Variants in PLEKHD1 observed in about 807,000 individuals in gnomAD.
The protein encoded by PLEKHD1 is pleckstrin homology and coiled-coil domain containing D1, also known as pleckstrin homology domain-containing family D member 1.
In PLEKHD1, 51 loss-of-function variants were observed where a neutral mutation model predicts 69.2. The observed-to-expected ratio is 0.74, with a 90% CI of 0.59 to 0.93. PLEKHD1 has a LOEUF of 0.93. PLEKHD1 is among the 40% of genes least tolerant of loss of function. The pLI is 0.00. For missense variants in PLEKHD1, 584 were observed against 641.0 expected (o/e 0.91, Z 0.96); for synonymous variants, 236 against 244.7 (o/e 0.96, Z 0.33).
At position 69,528,716 on chromosome 14, in the gene PLEKHD1, G is replaced by A. The variant is rs1883721959; in HGVS notation, c.*297G>A. ...GACCTGGTTGTATGTGGAGATTTGT[G>A]TCGGTTAGGGAGTGGGGTGGGGAGG... is the stretch of plus-strand genomic sequence containing the variant. On this transcript the variant is annotated 3_prime_UTR_variant, in exon 13 of 13. Coordinates refer to ENST00000322564, the MANE Select transcript of PLEKHD1 (RefSeq NM_001161498.2). 9.9e-6 allele frequency: 4 copies of A among 405,554 alleles called. No individual in the cohort carries two copies. The highest frequency in any genetic ancestry group is 6.9e-5 in the South Asian group (2 of 29,134). The allele number at this position is 405,554 out of a possible 1,614,324, so 25.1% of individuals were successfully genotyped here.
chr14:69,498,125 C>T (rs867148496), intron 1 of PLEKHD1, among the ~76,000 whole-genome samples: 12 of 133,974 alleles, frequency 9.0e-5, no homozygotes, highest in Middle Eastern at 4.2e-3. Context: ...TGCTCTGTCA[C>T]TCAGGTTGGA....
Position 69,526,782 on chromosome 14 carries a change from C to T in PLEKHD1, c.1009C>T (p.Leu337=). 6.5e-7 allele frequency: 1 copy of T among 1,550,326 alleles called. No individual in the cohort carries two copies. The highest frequency in any genetic ancestry group is 8.7e-7 in the Non-Finnish European group (1 of 1,146,430). The change falls in exon 10 of 13, where the codon CTG becomes TTG. Residue 337 remains leucine (L), a synonymous_variant. Transcript: ENST00000322564. ...SSQSQALQNS[L]QELTAEKQQA... is the part of the protein sequence containing the mutation. ...CCAGTCCCAGGCACTGCAGAACTCGCTGCAGGAGCTGACGGCAGAGAAGCA... is the reference window on the plus strand; with the variant it reads ...CCAGTCCCAGGCACTGCAGAACTCGTTGCAGGAGCTGACGGCAGAGAAGCA...
intron 1 of PLEKHD1, among the ~76,000 whole-genome samples, chr14:69,488,901 A>AT (rs1305691686): frequency 1.3e-5 from 2 of 152,122 alleles, no homozygotes; most frequent in Non-Finnish European, 2.9e-5. Flanking sequence ...TCCTCTACCC[A>AT]TCACCCTCTT....
At chr14:69,525,839 C>A in intron 8 of PLEKHD1, 105 bp from the exon 9 acceptor site, 1 of 1,095,512 alleles carries the variant, frequency 9.1e-7, no homozygotes, top group Non-Finnish European at 1.3e-6. Context: ...CCATAGAGGA[C>A]TGAGAGAGGA....
upstream of PLEKHD1, among the ~76,000 whole-genome samples, chr14:69,480,144 A>T (rs1882516961): frequency 6.6e-6 from 1 of 152,244 alleles, no homozygotes; most frequent in Admixed American, 6.5e-5. Flanking sequence ...GGGAAGACAG[A>T]GGAGGGTATG....
At chr14:69,477,296 C>A in the PLEKHD1 span, among the ~76,000 whole-genome samples, 2 of 152,170 alleles carry the variant, frequency 1.3e-5, no homozygotes, top group Admixed American at 6.5e-5. Context: ...GAAAGACCCA[C>A]CCCCATGATT....
At chr14:69,511,652 G>A (rs1883274527) in intron 6 of PLEKHD1, among the ~76,000 whole-genome samples, 1 of 151,736 alleles carries the variant, frequency 6.6e-6, no homozygotes, top group Non-Finnish European at 1.5e-5. Context: ...CAGGTTCAAG[G>A]GATCCTCGTG....
At chr14:69,499,893 G>C (rs1233503181) in intron 1 of PLEKHD1, among the ~76,000 whole-genome samples, 1 of 152,082 alleles carries the variant, frequency 6.6e-6, no homozygotes, top group Non-Finnish European at 1.5e-5. Flanking sequence ...TGGGGCTCCC[G>C]CTCCAGCTGG....
rs1555337189 is a variant in PLEKHD1, at chr14:69,498,057, A to ATTTTATTTATTTTATTTTAT, written c.150-2055_150-2054insTATTTATTTTATTTTATTTT. Among the ~76,000 whole-genome samples, 818 of 124,632 alleles carry ATTTTATTTATTTTATTTTAT rather than the reference A, an allele frequency of 6.6e-3. 20 individuals carry two copies. The highest frequency in any genetic ancestry group is 0.012 in the Middle Eastern group (3 of 244). 81.8% of individuals were successfully genotyped at this position (124,632 alleles called of 152,430 possible). On this transcript the variant is annotated intron_variant, in intron 1 of 12. Coordinates refer to ENST00000322564, the MANE Select transcript of PLEKHD1 (RefSeq NM_001161498.2). ...GTTTTATTTTATTTTATTTTATTTT[A>ATTTTATTTATTTTATTTTAT]TTTATTTTATTTTATTTTATTTTAT...
In PLEKHD1 at chr14:69,484,875, C is replaced by A; in HGVS notation, c.-91C>A. Reference sequence around the variant, plus strand: ...CTGCTTCTCTGCTCGCTGGGACGCTCTCCGACGGCTCCGCCCTCGCCTCTC... The same window carrying A: ...CTGCTTCTCTGCTCGCTGGGACGCTATCCGACGGCTCCGCCCTCGCCTCTC... On this transcript the variant is annotated 5_prime_UTR_variant, in exon 1 of 13. Coordinates refer to ENST00000322564, the MANE Select transcript of PLEKHD1 (RefSeq NM_001161498.2). 1 of 1,443,194 alleles carries A rather than the reference C, an allele frequency of 6.9e-7. No homozygotes were observed. The highest frequency in any genetic ancestry group is 1.3e-5 in the South Asian group (1 of 74,684). The allele number at this position is 1,443,194 out of a possible 1,614,324, so 89.4% of individuals were successfully genotyped here. A position where few individuals can be genotyped will look rare whatever the true frequency, so the allele number is the denominator to read the frequency against.
chr14:69,494,692 A>C (rs962844287), intron 1 of PLEKHD1, among the ~76,000 whole-genome samples: 1 of 152,234 alleles, frequency 6.6e-6, no homozygotes, highest in Non-Finnish European at 1.5e-5. Flanking sequence ...GGGCCTGGGA[A>C]GACGTGGCCC....
chr14:69,476,794 G>A, the PLEKHD1 span, among the ~76,000 whole-genome samples: 9 of 152,260 alleles, frequency 5.9e-5, no homozygotes, highest in East Asian at 1.7e-3. Flanking sequence ...ACTAGACTGT[G>A]AAGGGTATTT....
chr14:69,469,827 C>A, the PLEKHD1 span, among the ~76,000 whole-genome samples: 1 of 151,964 alleles, frequency 6.6e-6, no homozygotes, highest in Non-Finnish European at 1.5e-5. Context: ...GTTCAGGCAT[C>A]CTTCTGCCTC....
chr14:69,477,814 G>GC, the PLEKHD1 span, among the ~76,000 whole-genome samples: 1 of 152,200 alleles, frequency 6.6e-6, no homozygotes, highest in Non-Finnish European at 1.5e-5. Flanking sequence ...GCAGGGTACA[G>GC]CCCCCCTCCT....
chr14:69,498,586 G>GTTTTCTCTTCTCTTCTCTTCTC (rs1882942805), intron 1 of PLEKHD1, among the ~76,000 whole-genome samples: 1 of 84,808 alleles, frequency 1.2e-5, no homozygotes, highest in Non-Finnish European at 2.7e-5. Context: ...GTTTCTTTTT[G>GTTTTCTCTTCTCTTCTCTTCTC]TTTTCTCTTC....
chr14:69,527,135 G>T, intron 10 of PLEKHD1, 53 bp from the exon 11 acceptor site: 1 of 1,481,868 alleles, frequency 6.7e-7, no homozygotes, highest in Non-Finnish European at 9.0e-7. Flanking sequence ...AGGGAAGATG[G>T]CAGCTACTTC....
intron 6 of PLEKHD1, among the ~76,000 whole-genome samples, chr14:69,506,843 A>T (rs1337366147): frequency 2.0e-5 from 3 of 146,800 alleles, no homozygotes; most frequent in Non-Finnish European, 4.5e-5. Context: ...CAATAGTTTC[A>T]CTGCCCTAAA....
chr14:69,482,438 T>A (rs1882559201), upstream of PLEKHD1, among the ~76,000 whole-genome samples: 4 of 152,194 alleles, frequency 2.6e-5, no homozygotes, highest in Admixed American at 2.6e-4. Flanking sequence ...GAGCCAGGCC[T>A]GAGGCAAAGC....
chr14:69,511,284 A>G (rs917841516), intron 6 of PLEKHD1, among the ~76,000 whole-genome samples: 1 of 151,966 alleles, frequency 6.6e-6, no homozygotes, highest in African/African-American at 2.4e-5. Flanking sequence ...TCAGCCTCCC[A>G]AGTAGCTGGG....
Sources: gnomAD v4.1 joint callset for allele counts (sites outside exome capture counted in the v4.1 genomes callset) on GRCh38, gnomAD v4.1.1 for gene constraint, MANE v1.5 for transcripts, NCBI Gene and HGNC (gene_info 2026-07-23, HGNC 2026-07-21) for gene names.